Variants in KLF13 observed in about 807,000 individuals in gnomAD.
The protein encoded by KLF13 is KLF transcription factor 13, also known as Krueppel-like factor 13.
A neutral mutation model predicts 16.7 loss-of-function variants in KLF13; 8 were observed. The ratio of observed to expected loss-of-function variants is 0.48; its 90% CI spans 0.28 to 0.87. The LOEUF (loss-of-function observed/expected upper bound fraction) is 0.87. Among genes scored for constraint, KLF13 ranks in the 40% least tolerant of loss-of-function variants. The probability of loss-of-function intolerance (pLI) is 0.10; values close to 1 mark genes in which losing one functional copy is unlikely to be tolerated. For synonymous variants in KLF13, 245 were observed against 208.4 expected (o/e 1.18, Z -1.51); for missense variants, 447 against 452.2 (o/e 0.99, Z 0.10).
At chr15:31,393,176 GAACTCGGCCTGCCC>G (rs1027824911) in exon 1 of KLF13, 2 of 152,352 alleles carry the variant, frequency 1.3e-5, no homozygotes, top group Non-Finnish European at 2.9e-5. Context: ...GTCTCTCCCA[GAACTCGGCCTGCCC>G]CTACCTTCCC....
chr15:31,423,107 G>GTATACATATA (rs2040351923), intron 1 of KLF13, among the ~76,000 whole-genome samples: 1 of 26,394 alleles, frequency 3.8e-5, no homozygotes, highest in African/African-American at 4.0e-4. Flanking sequence ...ATACGTATAC[G>GTATACATATA]TATACGTATA....
At chr15:31,435,665 A>T (rs941961050) in exon 2 of KLF13, 5 of 152,130 alleles carry the variant, frequency 3.3e-5, no homozygotes, top group Non-Finnish European at 7.3e-5. Flanking sequence ...AGTTGCTCAG[A>T]CGTCTTTGGC....
exon 2 of KLF13, chr15:31,435,536 C>G (rs1358388152): frequency 6.6e-6 from 1 of 152,206 alleles, no homozygotes; most frequent in Non-Finnish European, 1.5e-5. Flanking sequence ...AAGGATGTGT[C>G]TCCACCCCCA....
downstream of KLF13, among the ~76,000 whole-genome samples, chr15:31,380,722 G>A (rs1031453815): frequency 4.6e-5 from 7 of 152,192 alleles, no homozygotes; most frequent in East Asian, 1.9e-4. Flanking sequence ...AGTCTCCTAC[G>A]TGGAAAGCAG....
In KLF13 at chr15:31,327,665, C is replaced by G. The variant is rs780104994; in HGVS notation, c.453C>G (p.Val151=). 1.5e-5 allele frequency: 23 copies of G among 1,501,168 alleles called. No individual in the cohort carries two copies. Among genetic ancestry groups the G allele is most frequent in the Non-Finnish European group, 1.7e-5 (19 of 1,120,402 alleles). The allele number at this position is 1,501,168 out of a possible 1,614,324, so 93.0% of individuals were successfully genotyped here. A position where few individuals can be genotyped will look rare whatever the true frequency, so the allele number is the denominator to read the frequency against. ...GSGEPGLRQR[V]RRGRSRADLE... ...GCGAGCCCGGCCTCAGACAAAGGGT[C>G]CGGCGGGGCCGAAGTCGCGCCGACC... Residue 151 remains valine (V), a synonymous_variant, in exon 1 of 2, where the codon GTC becomes GTG. Transcript: ENST00000307145.
chr15:31,341,804 G>A (rs1332174235), intron 1 of KLF13, among the ~76,000 whole-genome samples: 1 of 152,148 alleles, frequency 6.6e-6, no homozygotes, highest in Admixed American at 6.5e-5. Flanking sequence ...AGCATGTGGG[G>A]TGATGCTCCT....
intron 1 of KLF13, among the ~76,000 whole-genome samples, chr15:31,422,369 G>A (rs2040339208): frequency 6.6e-6 from 1 of 152,126 alleles, no homozygotes; most frequent in African/African-American, 2.4e-5. Context: ...AAAGGCAAAG[G>A]AGAAGCAGGC....
chr15:31,390,031 A>T (rs1353142312), upstream of KLF13, among the ~76,000 whole-genome samples: 1 of 152,190 alleles, frequency 6.6e-6, no homozygotes, highest in Non-Finnish European at 1.5e-5. Context: ...CATTTTCCCT[A>T]TAGCTTTTAT....
downstream of KLF13, among the ~76,000 whole-genome samples, chr15:31,405,337 GAA>G (rs1298197867): frequency 1.3e-5 from 2 of 152,156 alleles, no homozygotes; most frequent in African/African-American, 4.8e-5. Flanking sequence ...GAAAAAAAAA[GAA>G]AAGAGCTTGG....
intron 1 of KLF13, among the ~76,000 whole-genome samples, chr15:31,428,820 A>AAAAAAAG (rs61521558): frequency 0.081 from 5,894 of 72,598 alleles, 1,404 homozygotes; most frequent in African/African-American, 0.32. Flanking sequence ...AAAAAAAAAA[A>AAAAAAAG]AAAAAGAAAA....
At chr15:31,351,742 T>A (rs2039220222) in intron 1 of KLF13, among the ~76,000 whole-genome samples, 1 of 152,152 alleles carries the variant, frequency 6.6e-6, no homozygotes, top group South Asian at 2.1e-4. Flanking sequence ...CCGGGCGCGG[T>A]GGCTCATGCC....
At chr15:31,367,169 G>A (rs2039487588) in intron 1 of KLF13, among the ~76,000 whole-genome samples, 1 of 152,190 alleles carries the variant, frequency 6.6e-6, no homozygotes, top group South Asian at 2.1e-4. Context: ...CTCCTTGTCA[G>A]CCTCCTGGGT....
At chr15:31,364,482 C>A (rs955157496) in intron 1 of KLF13, among the ~76,000 whole-genome samples, 2 of 152,232 alleles carry the variant, frequency 1.3e-5, no homozygotes, top group Non-Finnish European at 2.9e-5. Flanking sequence ...CACTACTGGG[C>A]GGCTCACAAA....
chr15:31,347,026 G>A (rs1422626306), intron 1 of KLF13, among the ~76,000 whole-genome samples: 1 of 152,204 alleles, frequency 6.6e-6, no homozygotes, highest in Non-Finnish European at 1.5e-5. Context: ...GCTCTCATCG[G>A]GGCTGGGACA....
At chr15:31,390,067 GAAT>G (rs1008728569), upstream of KLF13, among the ~76,000 whole-genome samples, 18 of 152,074 alleles carry the variant, frequency 1.2e-4, no homozygotes, top group Middle Eastern at 3.2e-3. Context: ...TTTATTAACA[GAAT>G]AATATTAATA....
intron 1 of KLF13, among the ~76,000 whole-genome samples, chr15:31,343,748 C>G (rs2039067561): frequency 1.3e-5 from 2 of 152,222 alleles, no homozygotes. Flanking sequence ...AGCCCTCGGG[C>G]CAGGCTGAGT....
intron 1 of KLF13, among the ~76,000 whole-genome samples, chr15:31,355,519 C>T (rs56150535): frequency 0.31 from 46,732 of 151,926 alleles, 7,546 homozygotes; most frequent in East Asian, 0.47. Flanking sequence ...CTGCCAGCTT[C>T]TTCAGCTACT....
At chr15:31,419,127 G>T (rs2040290516) in intron 1 of KLF13, among the ~76,000 whole-genome samples, 1 of 152,192 alleles carries the variant, frequency 6.6e-6, no homozygotes, top group Admixed American at 6.5e-5. Flanking sequence ...CCCAGAAAAG[G>T]CTTGAGAGGC....
chr15:31,399,150 C>T (rs926887849), intron 2 of KLF13, among the ~76,000 whole-genome samples: 2 of 152,140 alleles, frequency 1.3e-5, no homozygotes, highest in African/African-American at 2.4e-5. Flanking sequence ...CCTCTGAAAA[C>T]AAGGGGCCCC....
Sources: allele counts gnomAD v4.1 joint callset (sites outside exome capture counted in the v4.1 genomes callset), GRCh38; gene constraint gnomAD v4.1.1; transcripts MANE v1.5; gene names NCBI Gene and HGNC (gene_info 2026-07-23, HGNC 2026-07-21).